Variants in UGT2B17 observed in about 807,000 individuals in gnomAD.
UGT2B17 encodes the protein UDP-glucuronosyltransferase 2B17.
A neutral mutation model predicts 48.2 loss-of-function variants in UGT2B17; 21 were observed. That is an observed-to-expected ratio of 0.44 (90% CI 0.31 to 0.63). UGT2B17 has a LOEUF of 0.63. UGT2B17 is among the 20% of genes least tolerant of loss of function. The pLI, the probability that UGT2B17 is intolerant of heterozygous loss-of-function variation, is 0.08. For synonymous variants in UGT2B17, 146 were observed against 238.4 expected, an observed-to-expected ratio of 0.61 and a Z score of 3.57; for missense variants, 402 against 696.1, an observed-to-expected ratio of 0.58 and a Z score of 4.75.
chr4:68,544,219 C>T (rs1243327008), intron 6 of UGT2B17, among the ~76,000 whole-genome samples: 1 of 126,758 alleles, frequency 7.9e-6, no homozygotes, highest in African/African-American at 2.7e-5. Flanking sequence ...GCCCATCAGA[C>T]TAACAGCTGA....
chr4:68,557,348 T>G (rs1236758883), intron 4 of UGT2B17, among the ~76,000 whole-genome samples: 2 of 124,398 alleles, frequency 1.6e-5, no homozygotes, highest in Non-Finnish European at 3.4e-5. Context: ...AAAAAAAGTT[T>G]TTGATAATTT....
intron 3 of UGT2B17, among the ~76,000 whole-genome samples, chr4:68,564,292 A>T (rs187629112): frequency 0.077 from 6,521 of 84,768 alleles, 1,068 homozygotes; most frequent in African/African-American, 0.2. Context: ...ATATATATAT[A>T]TATTTTTTTT....
At chr4:68,572,854 G>T (rs1731316166) in intron 1 of UGT2B17, among the ~76,000 whole-genome samples, 1 of 126,078 alleles carries the variant, frequency 7.9e-6, no homozygotes, top group African/African-American at 2.7e-5. Context: ...CTGGAGCAGT[G>T]TTTGTTGTCT....
At position 68,539,268 on chromosome 4, in the gene UGT2B17, G is replaced by A. The variant is rs193230404; in HGVS notation, c.1314-1364C>T. Among the ~76,000 whole-genome samples, 265 of 125,286 alleles carry A rather than the reference G, an allele frequency of 2.1e-3. 58 individuals are homozygous for A. The highest frequency in any genetic ancestry group is 0.016 in the Middle Eastern group (4 of 246). 82.2% of individuals were successfully genotyped at this position (125,286 alleles called of 152,430 possible). A position where few individuals can be genotyped will look rare whatever the true frequency, so the allele number is the denominator to read the frequency against. ...GTCACTACTTTTATCCTCAAAGTAA[G>A]TATTAACCTGAATTCTAATATCATA... On this transcript the variant is annotated intron_variant, in intron 6 of 6. Transcript: ENST00000317746.
chr4:68,559,647 T>C (rs780950976), intron 4 of UGT2B17, among the ~76,000 whole-genome samples: 1 of 126,526 alleles, frequency 7.9e-6, no homozygotes, highest in Non-Finnish European at 1.7e-5. Context: ...GAGAGGGCTA[T>C]GCAGATAAGA....
rs1370533742 is a variant in UGT2B17 at position 68,543,948 on chromosome 4, A to G, written c.1314-6044T>C. Among the ~76,000 whole-genome samples the G allele has an allele frequency of 3.2e-5, 4 of 126,668 alleles. 1 individual carries two copies. Among genetic ancestry groups the G allele is most frequent in the Non-Finnish European group, 6.7e-5 (4 of 59,730 alleles). The allele number at this position is 126,668 out of a possible 152,430, so 83.1% of individuals were successfully genotyped here. On this transcript the variant is annotated intron_variant, in intron 6 of 6. Coordinates refer to ENST00000317746, the MANE Select transcript of UGT2B17 (RefSeq NM_001077.4). The stretch of plus-strand genomic sequence containing the variant: ...GGGACTATGTGAAAAGACCAAATCT[A>G]CATCTGATTGGTGTACCTGAAAGTG...
At position 68,543,809 on chromosome 4, in the gene UGT2B17, A is replaced by T. The variant is rs1352005584; in HGVS notation, c.1314-5905T>A. 1.6e-5 allele frequency among the ~76,000 whole-genome samples: 2 copies of T among 126,036 alleles called. 1 individual carries two copies. Among genetic ancestry groups the T allele is most frequent in the Non-Finnish European group, 3.4e-5 (2 of 59,582 alleles). 82.7% of individuals were successfully genotyped at this position (126,036 alleles called of 152,430 possible). ...TGCACAAGCCTCAGTAGCTGATTTG[A>T]TCAACTGGAAGAAACGGTATCAGTG... On this transcript the variant is annotated intron_variant, in intron 6 of 6. Coordinates refer to ENST00000317746, the MANE Select transcript of UGT2B17 (RefSeq NM_001077.4).
chr4:68,537,927 T>C lies in UGT2B17; in HGVS notation c.1314-23A>G. 3 of 1,298,368 alleles carry C rather than the reference T, an allele frequency of 2.3e-6. 1 individual carries two copies. Among genetic ancestry groups the C allele is most frequent in the Non-Finnish European group, 3.0e-6 (3 of 1,004,794 alleles). The allele number at this position is 1,298,368 out of a possible 1,614,324, so 80.4% of individuals were successfully genotyped here. ...TAGCTGAAGGATAAATATAAAGATA[T>C]CAACATTAAAAGTAAATTTATTGCT... On this transcript the variant is annotated intron_variant, in intron 6 of 6. Coordinates refer to ENST00000317746, the MANE Select transcript of UGT2B17 (RefSeq NM_001077.4).
chr4:68,555,732 A>C (rs1296627618), intron 4 of UGT2B17, among the ~76,000 whole-genome samples: 1 of 124,608 alleles, frequency 8.0e-6, no homozygotes, highest in Non-Finnish European at 1.7e-5. Flanking sequence ...ATTAAATAAT[A>C]GATATTTCAT....
chr4:68,571,517 G>A (rs1307364998), intron 1 of UGT2B17, among the ~76,000 whole-genome samples: 2 of 126,598 alleles, frequency 1.6e-5, no homozygotes, highest in African/African-American at 5.4e-5. Context: ...TGTTTTTGTG[G>A]TACTATTATA....
intron 6 of UGT2B17, among the ~76,000 whole-genome samples, chr4:68,538,539 A>T (rs1229648085): frequency 1.6e-5 from 2 of 126,026 alleles, no homozygotes; most frequent in African/African-American, 5.4e-5. Flanking sequence ...TGCCCAGCCC[A>T]TTTTGACATA....
In UGT2B17 at chr4:68,553,742, A is replaced by C. The variant is rs1446009928; in HGVS notation, c.1006-1831T>G. Among the ~76,000 whole-genome samples, 14 of 123,998 alleles carry C rather than the reference A, an allele frequency of 1.1e-4. 5 individuals are homozygous for C. The highest frequency in any genetic ancestry group is 8.1e-3 in the Middle Eastern group (2 of 248). The allele number at this position is 123,998 out of a possible 152,430, so 81.3% of individuals were successfully genotyped here. A position where few individuals can be genotyped will look rare whatever the true frequency, so the allele number is the denominator to read the frequency against. On this transcript the variant is annotated intron_variant, in intron 4 of 6. Transcript: ENST00000317746. ...AGGAAGTTGTTGTTTAAGAATCCTA[A>C]TTCTAGTTTGGAGATGTGTTGTAAA...
chr4:68,546,930 A>C lies in UGT2B17; in HGVS notation c.1313+3747T>G, dbSNP rs568329511. ...CACTGCTCAAGGAAATAAAAGAGGA[A>C]ACAAACCAATGGAAGAACGTTCCAT... On this transcript the variant is annotated intron_variant, in intron 6 of 6. Transcript: ENST00000317746. 6.4e-5 allele frequency among the ~76,000 whole-genome samples: 8 copies of C among 125,430 alleles called. 2 individuals carry two copies. Among genetic ancestry groups the C allele is most frequent in the African/African-American group, 2.2e-4 (8 of 36,828 alleles). 82.3% of individuals were successfully genotyped at this position (125,430 alleles called of 152,430 possible).
At chr4:68,560,050 G>C (rs1731075071) in intron 4 of UGT2B17, among the ~76,000 whole-genome samples, 2 of 132,182 alleles carry the variant, frequency 1.5e-5, no homozygotes, top group Admixed American at 1.5e-4. Flanking sequence ...CAATGCATGG[G>C]AAGTAAAAAC....
chr4:68,566,196 A>G (rs1260884142), intron 2 of UGT2B17, among the ~76,000 whole-genome samples: 2 of 121,112 alleles, frequency 1.7e-5, no homozygotes, highest in African/African-American at 5.6e-5. Flanking sequence ...ATGTAAATAC[A>G]TTATATTAAA....
rs1376499934 is a variant in UGT2B17, at chr4:68,552,444, T to C, written c.1006-533A>G. ...TTTCTGGACTGAACAAATGTCCATC[T>C]TATATAAGTTGATTGATGTCTCATG... On this transcript the variant is annotated intron_variant, in intron 4 of 6. Transcript: ENST00000317746. Among the ~76,000 whole-genome samples, 3 of 126,378 alleles carry C rather than the reference T, an allele frequency of 2.4e-5. 1 individual carries two copies. The highest frequency in any genetic ancestry group is 5.0e-5 in the Non-Finnish European group (3 of 59,560). 82.9% of individuals were successfully genotyped at this position (126,378 alleles called of 152,430 possible).
At chr4:68,540,579 C>A (rs1219882938) in intron 6 of UGT2B17, among the ~76,000 whole-genome samples, 1 of 126,982 alleles carries the variant, frequency 7.9e-6, no homozygotes, top group Non-Finnish European at 1.7e-5. Context: ...CCCTCCTCAG[C>A]CACCCAAAGT....
In UGT2B17 at chr4:68,545,095, C is replaced by G. The variant is rs1263025102; in HGVS notation, c.1313+5582G>C. ...GGACCTAATAGACATCTACAGAACT[C>G]TGCACCCCAAATCAACAGAATGTAC... On this transcript the variant is annotated intron_variant, in intron 6 of 6. Transcript: ENST00000317746. Among the ~76,000 whole-genome samples the G allele has an allele frequency of 2.5e-4, 32 of 126,108 alleles. 6 individuals carry two copies. The highest frequency in any genetic ancestry group is 8.1e-4 in the African/African-American group (30 of 36,928). The allele number at this position is 126,108 out of a possible 152,430, so 82.7% of individuals were successfully genotyped here.
At position 68,557,528 on chromosome 4, in the gene UGT2B17, G is replaced by T. The variant is rs1297524850; in HGVS notation, c.1005+3009C>A. Among the ~76,000 whole-genome samples, 15 of 108,196 alleles carry T rather than the reference G, an allele frequency of 1.4e-4. 2 individuals are homozygous for T. The highest frequency in any genetic ancestry group is 1.9e-4 in the Non-Finnish European group (10 of 51,748). The allele number at this position is 108,196 out of a possible 152,430, so 71.0% of individuals were successfully genotyped here. ...CATTGCTGATCCTTTGTTTTGTTTT[G>T]TTTTTTTTTTTAGAGTGAAGGAATC... On this transcript the variant is annotated intron_variant, in intron 4 of 6. Coordinates refer to ENST00000317746, the MANE Select transcript of UGT2B17 (RefSeq NM_001077.4).
Sources: allele counts gnomAD v4.1 joint callset (sites outside exome capture counted in the v4.1 genomes callset), GRCh38; gene constraint gnomAD v4.1.1; transcripts MANE v1.5; gene names NCBI Gene and HGNC (gene_info 2026-07-23, HGNC 2026-07-21).